The following MNAT1 variants were observed in gnomAD, a reference collection of about 807,000 sequenced individuals.
MNAT1 encodes MNAT1 component of CDK activating kinase.
A neutral mutation model predicts 42.0 loss-of-function variants in MNAT1; 43 were observed. That is an observed-to-expected ratio of 1.02 (90% CI 0.80 to 1.32). The LOEUF (loss-of-function observed/expected upper bound fraction) is 1.32, where lower values mean the gene tolerates loss of function less well. Ranked by LOEUF, MNAT1 falls within the 40% of genes most tolerant of loss-of-function variation. MNAT1 has a pLI of 0.00. For missense variants in MNAT1, 306 were observed against 350.4 expected (o/e 0.87, Z 1.01); for synonymous variants, 118 against 120.0 (o/e 0.98, Z 0.11).
At chr14:60,959,671 A>G (rs1042529316) in intron 7 of MNAT1, among the ~76,000 whole-genome samples, 1 of 152,158 alleles carries the variant, frequency 6.6e-6, no homozygotes, top group South Asian at 2.1e-4. Context: ...CTTCCAGTGT[A>G]TTGCTGTAGT....
At chr14:60,899,897 T>A (rs1262541642) in intron 7 of MNAT1, among the ~76,000 whole-genome samples, 1 of 152,216 alleles carries the variant, frequency 6.6e-6, no homozygotes, top group Non-Finnish European at 1.5e-5. Flanking sequence ...TTCAGACTTT[T>A]GCATGATTTT....
At chr14:60,925,333 G>A (rs2035745247) in intron 7 of MNAT1, among the ~76,000 whole-genome samples, 1 of 152,290 alleles carries the variant, frequency 6.6e-6, no homozygotes, top group South Asian at 2.1e-4. Context: ...AGGGACTTAA[G>A]CATCTGCAGA....
intron 7 of MNAT1, among the ~76,000 whole-genome samples, chr14:60,900,048 A>ATCTCTCTCTC (rs61149455): frequency 0.035 from 4,810 of 136,268 alleles, 133 homozygotes; most frequent in Non-Finnish European, 0.045. Context: ...CTGTTTCCCC[A>ATCTCTCTCTC]TCTCTCTCTC....
intron 7 of MNAT1, among the ~76,000 whole-genome samples, chr14:60,945,517 T>C (rs1021106664): frequency 2.0e-5 from 3 of 152,224 alleles, no homozygotes; most frequent in African/African-American, 7.2e-5. Flanking sequence ...TTTTCTCTGT[T>C]ACATGAGAGA....
At chr14:60,875,686 A>G (rs1472500173) in intron 6 of MNAT1, among the ~76,000 whole-genome samples, 1 of 152,148 alleles carries the variant, frequency 6.6e-6, no homozygotes, top group East Asian at 1.9e-4. Flanking sequence ...GCTATTGTAA[A>G]TGATGTCCCC....
intron 6 of MNAT1, among the ~76,000 whole-genome samples, chr14:60,878,826 G>A (rs767904369): frequency 1.3e-5 from 2 of 152,122 alleles, no homozygotes; most frequent in Non-Finnish European, 2.9e-5. Context: ...TCAGGATCTT[G>A]ATCACAGTTG....
intron 7 of MNAT1, among the ~76,000 whole-genome samples, chr14:60,966,999 G>T (rs1246185676): frequency 6.6e-6 from 1 of 151,828 alleles, no homozygotes; most frequent in East Asian, 1.9e-4. Flanking sequence ...TTTTGTTTTT[G>T]TTCAATAAAT....
intron 6 of MNAT1, among the ~76,000 whole-genome samples, chr14:60,867,027 G>C (rs2034217486): frequency 6.6e-6 from 1 of 152,040 alleles, no homozygotes; most frequent in African/African-American, 2.4e-5. Context: ...AATCTTTAAG[G>C]AATTTCACTG....
At chr14:60,785,206 AT>A (rs2031609901) in intron 1 of MNAT1, among the ~76,000 whole-genome samples, 1 of 152,184 alleles carries the variant, frequency 6.6e-6, no homozygotes, top group Non-Finnish European at 1.5e-5. Context: ...TTTACCTATA[AT>A]AACTCATTTA....
At chr14:60,931,650 T>C (rs2035885591) in intron 7 of MNAT1, among the ~76,000 whole-genome samples, 1 of 152,218 alleles carries the variant, frequency 6.6e-6, no homozygotes, top group African/African-American at 2.4e-5. Context: ...ATACATATCG[T>C]AGACCTGAAT....
At chr14:60,804,706 G>A (rs2032313898) in intron 3 of MNAT1, among the ~76,000 whole-genome samples, 1 of 151,988 alleles carries the variant, frequency 6.6e-6, no homozygotes, top group Admixed American at 6.6e-5. Flanking sequence ...AATTTTAAAA[G>A]TTTTTAATTT....
chr14:60,922,722 T>C (rs1229188563), intron 7 of MNAT1, among the ~76,000 whole-genome samples: 1 of 152,020 alleles, frequency 6.6e-6, no homozygotes, highest in Non-Finnish European at 1.5e-5. Flanking sequence ...GAAATACAGA[T>C]TGTTAGTCAA....
Position 60,911,269 on chromosome 14 carries a change from A to G in MNAT1, c.809+31434A>G, listed in dbSNP as rs1186077104. 3.5e-4 allele frequency among the ~76,000 whole-genome samples: 53 copies of G among 152,130 alleles called. 1 individual carries two copies. The highest frequency in any genetic ancestry group is 3.5e-3 in the Admixed American group (53 of 15,276). ...TATCAATTTTGTTGATCTTTTCAAA[A>G]AACCAGCTCCTGGATTCATTGATTT... On this transcript the variant is annotated intron_variant, in intron 7 of 7. Coordinates refer to ENST00000261245, the MANE Select transcript of MNAT1 (RefSeq NM_002431.4).
chr14:60,830,645 A>G (rs1394797898), intron 6 of MNAT1, among the ~76,000 whole-genome samples: 2 of 152,150 alleles, frequency 1.3e-5, no homozygotes, highest in Admixed American at 1.3e-4. Context: ...AATTTTATCA[A>G]TGCACCATCA....
chr14:60,737,949 C>T (rs868396922), intron 1 of MNAT1, among the ~76,000 whole-genome samples: 11 of 150,578 alleles, frequency 7.3e-5, no homozygotes, highest in Middle Eastern at 3.6e-3. Context: ...CCCGGGTTCA[C>T]GCCATTGTCC....
intron 6 of MNAT1, among the ~76,000 whole-genome samples, chr14:60,833,107 A>G (rs2033273486): frequency 6.6e-6 from 1 of 152,126 alleles, no homozygotes. Context: ...TAAATATACA[A>G]TCGTGTCATC....
At chr14:60,879,020 A>G (rs1169144052) in intron 6 of MNAT1, among the ~76,000 whole-genome samples, 4 of 151,936 alleles carry the variant, frequency 2.6e-5, no homozygotes, top group Admixed American at 1.3e-4. Context: ...GTCCTTTTCA[A>G]TTAGGGCATG....
At chr14:60,867,454 T>C (rs186976443) in intron 6 of MNAT1, among the ~76,000 whole-genome samples, 7 of 152,234 alleles carry the variant, frequency 4.6e-5, no homozygotes, top group African/African-American at 1.4e-4. Context: ...TGTATCTTTT[T>C]TACCGTTATA....
At chr14:60,796,456 G>T (rs1015664416) in intron 2 of MNAT1, 87 bp downstream of exon 2, 3 of 1,202,660 alleles carry the variant, frequency 2.5e-6, no homozygotes, top group African/African-American at 3.1e-5. Context: ...TCATAAATGT[G>T]GACAGATTAG....
Sources: allele counts gnomAD v4.1 joint callset (sites outside exome capture counted in the v4.1 genomes callset), GRCh38; gene constraint gnomAD v4.1.1; transcripts MANE v1.5; gene names NCBI Gene and HGNC (gene_info 2026-07-23, HGNC 2026-07-21).